Variants in FEM1B observed in about 807,000 individuals in gnomAD.
FEM1B encodes protein fem-1 homolog B.
In FEM1B, 10 loss-of-function variants were observed where a neutral mutation model predicts 38.6. The ratio of observed to expected loss-of-function variants is 0.26; its 90% CI spans 0.16 to 0.44. FEM1B has a LOEUF of 0.44. Among genes scored for constraint, FEM1B ranks in the 20% least tolerant of loss-of-function variants. The pLI is 1.00. For synonymous variants in FEM1B, 288 were observed against 288.0 expected, an observed-to-expected ratio of 1.00 and a Z score of 0.00; for missense variants, 471 against 786.7, an observed-to-expected ratio of 0.60 and a Z score of 4.80.
In FEM1B at chr15:68,290,815, C is replaced by A; in HGVS notation, c.1457C>A (p.Thr486Asn). Reference protein sequence around the residue: ...HLDPRTREGFTLLHLAVNSNT... With the variant: ...HLDPRTREGFNLLHLAVNSNT... ...GATCCCAGAACTCGTGAAGGTTTCA[C>A]CTTGCTGCATCTGGCTGTCAATTCC... The change falls in exon 2 of 2, where the codon ACC (threonine) becomes AAC (asparagine). Residue 486 changes from threonine (T) to asparagine (N), a missense_variant. Coordinates refer to ENST00000306917, the MANE Select transcript of FEM1B (RefSeq NM_015322.5). This position sits in a 1 kb window ranked among gnomAD's most constrained non-coding sequence, Gnocchi z 9.7. 2 of 1,614,140 alleles carry A rather than the reference C, an allele frequency of 1.2e-6. No homozygotes were observed. Among genetic ancestry groups the A allele is most frequent in the Admixed American group, 1.7e-5 (1 of 60,020 alleles).
rs572127256 is a variant in FEM1B, at chr15:68,295,487, A to G, written c.*4245A>G. On this transcript the variant is annotated 3_prime_UTR_variant, in exon 2 of 2. Transcript: ENST00000306917. ...TTTCAAAGGTACACAGTTGGGGAGT[A>G]AAATCTGACTGGCCTAATCGATGGA... 65 of 152,322 alleles carry G rather than the reference A, an allele frequency of 4.3e-4. No individual in the cohort carries two copies. The highest frequency in any genetic ancestry group is 1.5e-5 in the Non-Finnish European group (1 of 68,028). 9.4% of individuals were successfully genotyped at this position (152,322 alleles called of 1,614,324 possible). A position where few individuals can be genotyped will look rare whatever the true frequency, so the allele number is the denominator to read the frequency against.
Position 68,290,948 on chromosome 15 carries a change from T to C in FEM1B, c.1590T>C (p.Asn530=). 6.8e-6 allele frequency: 11 copies of C among 1,614,170 alleles called. No individual in the cohort carries two copies. The highest frequency in any genetic ancestry group is 9.3e-6 in the Non-Finnish European group (11 of 1,180,038). ...DCGAEVNAVD[N]EGNSALHIIV... is the part of the protein sequence containing the mutation. ...GTGCTGAGGTGAATGCCGTGGACAA[T>C]GAGGGAAACAGTGCCCTTCATATTA... The change falls in exon 2 of 2, where the codon AAT becomes AAC. Residue 530 remains asparagine, a synonymous_variant. Coordinates refer to ENST00000306917, the MANE Select transcript of FEM1B (RefSeq NM_015322.5). The surrounding 1 kb of genome is among the most constrained non-coding windows in gnomAD (Gnocchi z 9.7).
In FEM1B at chr15:68,295,083, T is replaced by TATTG. The variant is rs1288884423; in HGVS notation, c.*3844_*3847dup. The TATTG allele has an allele frequency of 2.0e-5, 3 of 152,204 alleles. No individual in the cohort carries two copies. Among genetic ancestry groups the TATTG allele is most frequent in the African/African-American group, 7.2e-5 (3 of 41,462 alleles). The allele number at this position is 152,204 out of a possible 1,614,324, so 9.4% of individuals were successfully genotyped here. A position where few individuals can be genotyped will look rare whatever the true frequency, so the allele number is the denominator to read the frequency against. On this transcript the variant is annotated 3_prime_UTR_variant, in exon 2 of 2. Coordinates refer to ENST00000306917, the MANE Select transcript of FEM1B (RefSeq NM_015322.5). ...AAGGGATCTGAAATAAATACTACAC[T>TATTG]ATTGATAGTGGAGATATATTAATTT... is the stretch of plus-strand genomic sequence containing the variant.
rs1291752242 is a variant in FEM1B at position 68,292,003 on chromosome 15, G to A, written c.*761G>A. The stretch of plus-strand genomic sequence containing the variant: ...AATGAAATTTATCTAAATTGCAGCA[G>A]TCTATTTGATTCAGCTCATAGACAT... On this transcript the variant is annotated 3_prime_UTR_variant, in exon 2 of 2. Transcript: ENST00000306917. 1 of 152,142 alleles carries A rather than the reference G, an allele frequency of 6.6e-6. No individual in the cohort carries two copies. The highest frequency in any genetic ancestry group is 1.5e-5 in the Non-Finnish European group (1 of 68,006). The allele number at this position is 152,142 out of a possible 1,614,324, so 9.4% of individuals were successfully genotyped here.
At position 68,284,750 on chromosome 15, in the gene FEM1B, T is replaced by G. The variant is rs1185223067; in HGVS notation, c.249-4857T>G. ...TTGGCTATGTCCCACCCAAATCTTA[T>G]CTTGAATTCCCACGTGTTGTGGGAG... On this transcript the variant is annotated intron_variant, in intron 1 of 1. Transcript: ENST00000306917. This position sits in a 1 kb window ranked among gnomAD's most constrained non-coding sequence, Gnocchi z 4.4. Among the ~76,000 whole-genome samples, 1 of 152,210 alleles carries G rather than the reference T, an allele frequency of 6.6e-6. No homozygotes were observed. The highest frequency in any genetic ancestry group is 6.5e-5 in the Admixed American group (1 of 15,286).
At position 68,289,934 on chromosome 15, in the gene FEM1B, C is replaced by T. The variant is rs1307939617; in HGVS notation, c.576C>T (p.His192=). 4 of 1,614,120 alleles carry T rather than the reference C, an allele frequency of 2.5e-6. No homozygotes were observed. Among genetic ancestry groups the T allele is most frequent in the Admixed American group, 1.7e-5 (1 of 60,018 alleles). The part of the protein sequence containing the change: ...AKAHCGATAL[H]FAAEAGHIDI... The stretch of plus-strand genomic sequence containing the variant: ...CACATTGTGGAGCCACAGCATTGCA[C>T]TTTGCAGCTGAAGCTGGGCACATAG... The change falls in exon 2 of 2, where the codon CAC becomes CAT. Residue 192 remains histidine (H), a synonymous_variant. Coordinates refer to ENST00000306917, the MANE Select transcript of FEM1B (RefSeq NM_015322.5). The surrounding 1 kb of genome is among the most constrained non-coding windows in gnomAD (Gnocchi z 6.9).
chr15:68,283,586 G>A (rs1368478444), intron 1 of FEM1B, among the ~76,000 whole-genome samples: 3 of 150,798 alleles, frequency 2.0e-5, no homozygotes, highest in Non-Finnish European at 2.9e-5. Context: ...GGAGATCTAG[G>A]CAGCAGTGAG....
At chr15:68,279,064 CGAAA>C (rs1282973777) in intron 1 of FEM1B, among the ~76,000 whole-genome samples, 2 of 152,128 alleles carry the variant, frequency 1.3e-5, no homozygotes, top group African/African-American at 4.8e-5. Flanking sequence ...TGAAGAACTC[CGAAA>C]GAGTTATTTG....
chr15:68,285,150 C>T (rs568149640), intron 1 of FEM1B, among the ~76,000 whole-genome samples: 50 of 152,076 alleles, frequency 3.3e-4, no homozygotes, highest in African/African-American at 1.0e-3. Flanking sequence ...TGGCTTTTTT[C>T]GCTTAACACA....
intron 1 of FEM1B, among the ~76,000 whole-genome samples, chr15:68,287,312 C>T (rs904646726): frequency 6.6e-6 from 1 of 152,158 alleles, no homozygotes; most frequent in Non-Finnish European, 1.5e-5. Context: ...CAGTAAAATG[C>T]AGAGGTCTTA....
Position 68,290,882 on chromosome 15 carries a change from C to G in FEM1B, c.1524C>G (p.Ser508Arg). The change falls in exon 2 of 2, where the codon AGC becomes AGG. Residue 508 changes from serine (S) to arginine (R), a missense_variant. Physicochemically the swap from Ser to Arg is moderately radical, Grantham distance 110. This residue lies in a region of FEM1B where 380 missense variants were observed against 599.6 expected (regional missense o/e 0.63). Coordinates refer to ENST00000306917, the MANE Select transcript of FEM1B (RefSeq NM_015322.5). This position sits in a 1 kb window ranked among gnomAD's most constrained non-coding sequence, Gnocchi z 9.7. ...VDDFHTNDVC[S>R]FPNALVTKLL... ...ATTTCCACACCAATGACGTCTGCAGCTTTCCAAATGCACTTGTCACAAAGC... is the reference window on the plus strand; with the variant it reads ...ATTTCCACACCAATGACGTCTGCAGGTTTCCAAATGCACTTGTCACAAAGC... The G allele has an allele frequency of 6.2e-7, 1 of 1,614,132 alleles. No homozygotes were observed. Among genetic ancestry groups the G allele is most frequent in the Non-Finnish European group, 8.5e-7 (1 of 1,179,998 alleles).
Position 68,280,997 on chromosome 15 carries a change from T to C in FEM1B, c.248+2332T>C, listed in dbSNP as rs1195746365. 6.6e-6 allele frequency among the ~76,000 whole-genome samples: 1 copy of C among 152,230 alleles called. No homozygotes were observed. Among genetic ancestry groups the C allele is most frequent in the South Asian group, 2.1e-4 (1 of 4,830 alleles). On this transcript the variant is annotated intron_variant, in intron 1 of 1. Coordinates refer to ENST00000306917, the MANE Select transcript of FEM1B (RefSeq NM_015322.5). The surrounding 1 kb of genome is among the most constrained non-coding windows in gnomAD (Gnocchi z 4.2). ...TACAAATTAATTAATAAAAGAGATA[T>C]TGAAGTTCCTGGTACTCTCTGTGCA... is the stretch of plus-strand genomic sequence containing the variant.
chr15:68,278,138 T>A lies in FEM1B; in HGVS notation c.-280T>A. 2 of 347,718 alleles carry A rather than the reference T, an allele frequency of 5.8e-6. No homozygotes were observed. Among genetic ancestry groups the A allele is most frequent in the Non-Finnish European group, 1.0e-5 (2 of 191,108 alleles). The allele number at this position is 347,718 out of a possible 1,614,324, so 21.5% of individuals were successfully genotyped here. On this transcript the variant is annotated 5_prime_UTR_variant, in exon 1 of 2. Transcript: ENST00000306917. This position sits in a 1 kb window ranked among gnomAD's most constrained non-coding sequence, Gnocchi z 5.7. The stretch of plus-strand genomic sequence containing the variant: ...CCCGGGGCGGCGTCCGCCATGGAGA[T>A]CCCCTCGGTCCAGGGCCGGCGCCTG...
rs1892683993 is a variant in FEM1B at position 68,278,277 on chromosome 15, G to T, written c.-141G>T. On this transcript the variant is annotated 5_prime_UTR_variant, in exon 1 of 2. Coordinates refer to ENST00000306917, the MANE Select transcript of FEM1B (RefSeq NM_015322.5). The surrounding 1 kb of genome is among the most constrained non-coding windows in gnomAD (Gnocchi z 5.7). ...TCCGCCTTCCCTGGGCCGCACTGCT[G>T]CCTGGGCGCGGCGGCGGCGACGGCG... is the stretch of plus-strand genomic sequence containing the variant. The T allele has an allele frequency of 8.7e-7, 1 of 1,155,802 alleles. No individual in the cohort carries two copies. The allele number at this position is 1,155,802 out of a possible 1,614,324, so 71.6% of individuals were successfully genotyped here. A position where few individuals can be genotyped will look rare whatever the true frequency, so the allele number is the denominator to read the frequency against.
chr15:68,285,514 A>G (rs961744610), intron 1 of FEM1B, among the ~76,000 whole-genome samples: 3 of 152,226 alleles, frequency 2.0e-5, no homozygotes, highest in African/African-American at 2.4e-5. Context: ...CAGTTGCCAC[A>G]TCTTGCTCAA....
chr15:68,285,787 C>G (rs933927802), intron 1 of FEM1B, among the ~76,000 whole-genome samples: 1 of 151,910 alleles, frequency 6.6e-6, no homozygotes, highest in Non-Finnish European at 1.5e-5. Flanking sequence ...TCTTCTTAGC[C>G]CCCCCGCAGT....
At chr15:68,282,270 A>C (rs1202076779) in intron 1 of FEM1B, among the ~76,000 whole-genome samples, 14 of 151,788 alleles carry the variant, frequency 9.2e-5, no homozygotes. Flanking sequence ...TTGTTCTTTT[A>C]AAGTCAGTGC....
intron 1 of FEM1B, among the ~76,000 whole-genome samples, chr15:68,286,896 C>CT (rs993036979): frequency 6.6e-6 from 1 of 151,974 alleles, no homozygotes; most frequent in South Asian, 2.1e-4. Context: ...TTGATTCATT[C>CT]TTTTTTTTGA....
chr15:68,287,465 G>A (rs1427936315), intron 1 of FEM1B, among the ~76,000 whole-genome samples: 1 of 152,106 alleles, frequency 6.6e-6, no homozygotes, highest in African/African-American at 2.4e-5. Context: ...TACTGAGAGG[G>A]CTTTTGTTTA....
Sources: allele counts gnomAD v4.1 joint callset (sites outside exome capture counted in the v4.1 genomes callset), GRCh38; gene constraint gnomAD v4.1.1; regional missense constraint gnomAD v4.1.1; non-coding constraint Gnocchi (gnomAD v3.1); transcripts MANE v1.5; gene names NCBI Gene and HGNC (gene_info 2026-07-23, HGNC 2026-07-21).